Variants in PKP1 observed in about 807,000 individuals in gnomAD.
PKP1 encodes plakophilin 1.
PKP1 carries 27 observed loss-of-function variants against 76.4 expected under a neutral mutation model. That is an observed-to-expected ratio of 0.35 (90% CI 0.26 to 0.49). The LOEUF is 0.49. PKP1 is among the 20% of genes least tolerant of loss of function. The pLI is 0.99. For missense variants in PKP1, 964 were observed against 955.2 expected (o/e 1.01, Z -0.12); for synonymous variants, 404 against 384.2 (o/e 1.05, Z -0.60).
rs753009686 is a variant in PKP1 at position 201,325,023 on chromosome 1, G to A, written c.1917G>A (p.Ser639=). ...NTSNSEDILS[S]ACYTVRNLMA... ...GCAACTCCGAAGACATCTTGTCCTC[G>A]GCCTGCTACACTGTGAGGAACCTGA... is the stretch of plus-strand genomic sequence containing the variant. The change falls in exon 11 of 14, where the codon TCG becomes TCA. Residue 639 remains serine, a synonymous_variant. Coordinates refer to ENST00000367324, the MANE Select transcript of PKP1 (RefSeq NM_001005337.3). The A allele has an allele frequency of 1.9e-5, 31 of 1,613,740 alleles. No homozygotes were observed. The African/African-American group carries it at 2.4e-4, about 13-fold the overall frequency.
chr1:201,313,290 T>A lies in PKP1; in HGVS notation c.431T>A (p.Ile144Asn). Residue 144 changes from isoleucine (I) to asparagine (N), a missense_variant, in exon 3 of 14, where the codon ATC becomes AAC. By Grantham distance (149) the Ile-to-Asn change is moderately radical. Coordinates refer to ENST00000367324, the MANE Select transcript of PKP1 (RefSeq NM_001005337.3). ...SCNTTGAGSD[I>N]CFMQKIKASR... ...AACACCACCGGCGCAGGCAGCGACA[T>A]CTGCTTCATGCAGAAAATCAAGGCG... 1 of 1,602,756 alleles carries A rather than the reference T, an allele frequency of 6.2e-7. No homozygotes were observed.
At chr1:201,324,645 T>G in intron 10 of PKP1, 64 bp downstream of exon 10, 2 of 1,566,924 alleles carry the variant, frequency 1.3e-6, no homozygotes, top group Non-Finnish European at 1.8e-6. Flanking sequence ...AATTCAAGCC[T>G]GCTTGAAGGT....
chr1:201,287,887 T>C (rs1012263259), intron 1 of PKP1, among the ~76,000 whole-genome samples: 1 of 152,228 alleles, frequency 6.6e-6, no homozygotes, highest in African/African-American at 2.4e-5. Context: ...AATGGACGAA[T>C]GTTAGATATC....
At chr1:201,299,488 C>T (rs150601023) in intron 2 of PKP1, among the ~76,000 whole-genome samples, 3 of 152,306 alleles carry the variant, frequency 2.0e-5, no homozygotes, top group Non-Finnish European at 4.4e-5. Flanking sequence ...GGCAATTGGA[C>T]TAAAGCACAG....
intron 2 of PKP1, 34 bp downstream of exon 2, chr1:201,294,079 G>A: frequency 1.4e-6 from 2 of 1,396,668 alleles, no homozygotes; most frequent in Non-Finnish European, 2.0e-6. Context: ...AAGACCTGGA[G>A]TACTTGTGGG....
intron 4 of PKP1, among the ~76,000 whole-genome samples, chr1:201,316,932 A>C (rs778605622): frequency 6.6e-6 from 1 of 152,184 alleles, no homozygotes; most frequent in Non-Finnish European, 1.5e-5. Flanking sequence ...TTGGTCATGG[A>C]AGAGACTTCA....
chr1:201,324,297 T>G, intron 9 of PKP1, 131 bp from the exon 10 acceptor site: 1 of 906,560 alleles, frequency 1.1e-6, no homozygotes, highest in Non-Finnish European at 1.8e-6. Context: ...TGCCCACATG[T>G]GAGCTAGTGC....
chr1:201,293,120 G>T (rs1004051237), intron 1 of PKP1, among the ~76,000 whole-genome samples: 2 of 152,170 alleles, frequency 1.3e-5, no homozygotes, highest in Non-Finnish European at 2.9e-5. Flanking sequence ...GTCACCATTG[G>T]CCATATTTCA....
intron 2 of PKP1, among the ~76,000 whole-genome samples, chr1:201,309,342 C>G (rs1345687006): frequency 2.0e-5 from 3 of 151,934 alleles, no homozygotes; most frequent in Admixed American, 1.3e-4. Context: ...TGGGGGGCTC[C>G]TAGCTAAAAG....
chr1:201,287,291 G>A (rs566179707), intron 1 of PKP1, among the ~76,000 whole-genome samples: 5 of 152,322 alleles, frequency 3.3e-5, no homozygotes, highest in African/African-American at 1.2e-4. Context: ...GCCCTCATCA[G>A]GGGAGAGGGG....
chr1:201,291,047 G>T (rs944112399), intron 1 of PKP1, among the ~76,000 whole-genome samples: 1 of 152,162 alleles, frequency 6.6e-6, no homozygotes, highest in Non-Finnish European at 1.5e-5. Context: ...TGGGAGCAGT[G>T]CTCTTACAGA....
rs201842614 is a variant in PKP1, at chr1:201,318,670, C to T, written c.1107C>T (p.Ala369=). The change falls in exon 6 of 14, where the codon GCC becomes GCT. Residue 369 remains alanine (A), a synonymous_variant. Transcript: ENST00000367324. ...STDELKEELI[A]DALPVLADRV... ...ACGAGCTGAAGGAGGAACTCATTGCCGACGCCCTGCCTGTTCTGGCCGACC... is the reference window on the plus strand; with the variant it reads ...ACGAGCTGAAGGAGGAACTCATTGCTGACGCCCTGCCTGTTCTGGCCGACC... The T allele has an allele frequency of 3.1e-5, 50 of 1,612,296 alleles. No homozygotes were observed. The highest frequency in any genetic ancestry group is 3.8e-5 in the Non-Finnish European group (45 of 1,179,924).
At chr1:201,305,530 A>C (rs1206494598) in intron 2 of PKP1, among the ~76,000 whole-genome samples, 1 of 152,106 alleles carries the variant, frequency 6.6e-6, no homozygotes, top group Non-Finnish European at 1.5e-5. Context: ...ACAAACAAAA[A>C]CTGTAACCAG....
intron 3 of PKP1, chr1:201,316,228 T>C (rs778441263): frequency 2.3e-5 from 7 of 298,408 alleles, no homozygotes; most frequent in Non-Finnish European, 4.4e-5. Context: ...ACAAGAGAGA[T>C]GGCAAGGTAG....
At chr1:201,290,572 C>T (rs1452807268) in intron 1 of PKP1, among the ~76,000 whole-genome samples, 1 of 152,120 alleles carries the variant, frequency 6.6e-6, no homozygotes, top group Non-Finnish European at 1.5e-5. Context: ...TCCTGGTTTA[C>T]CCCACTCACC....
chr1:201,323,138 C>A lies in PKP1; in HGVS notation c.1629C>A (p.Thr543=). The A allele has an allele frequency of 6.2e-7, 1 of 1,614,132 alleles. No individual in the cohort carries two copies. Among genetic ancestry groups the A allele is most frequent in the South Asian group, 1.1e-5 (1 of 91,082 alleles). ...NLMGKSKKDA[T]LEACAGALQN... Reference sequence around the variant, plus strand: ...TGGGCAAGAGCAAGAAAGATGCTACCCTGGAGGCCTGTGCTGGTGCCCTGC... The same window carrying A: ...TGGGCAAGAGCAAGAAAGATGCTACACTGGAGGCCTGTGCTGGTGCCCTGC... The change falls in exon 9 of 14, where the codon ACC becomes ACA. Residue 543 remains threonine, a synonymous_variant. Transcript: ENST00000367324.
At chr1:201,289,525 C>T (rs543979824) in intron 1 of PKP1, among the ~76,000 whole-genome samples, 1 of 152,196 alleles carries the variant, frequency 6.6e-6, no homozygotes, top group South Asian at 2.1e-4. Flanking sequence ...TTCCCTATGA[C>T]CTCTGTCTGC....
At position 201,323,037 on chromosome 1, in the gene PKP1, C is replaced by T; in HGVS notation, c.1528C>T (p.Pro510Ser). Residue 510 changes from proline to serine, a missense_variant, in exon 9 of 14, where the codon CCT (proline) becomes TCT (serine). By Grantham distance (74) the Pro-to-Ser change is moderately conservative. Transcript: ENST00000367324. Reference sequence around the variant, plus strand: ...GAACAACAACTATGACTGCCCCCTGCCTGAGGAAGAGACCAACCCCAAGGG... The same window carrying T: ...GAACAACAACTATGACTGCCCCCTGTCTGAGGAAGAGACCAACCCCAAGGG... ...MMNNNYDCPLPEEETNPKGSG... is the reference protein window; with the variant it reads ...MMNNNYDCPLSEEETNPKGSG... 1.2e-6 allele frequency: 2 copies of T among 1,614,126 alleles called. No homozygotes were observed. The highest frequency in any genetic ancestry group is 1.7e-6 in the Non-Finnish European group (2 of 1,180,014).
intron 7 of PKP1, 62 bp from the exon 8 acceptor site, chr1:201,321,916 G>A: frequency 6.3e-7 from 1 of 1,596,042 alleles, no homozygotes. Flanking sequence ...AGGGTAGGTG[G>A]TAGGCCAGGA....
Sources: allele counts gnomAD v4.1 joint callset (sites outside exome capture counted in the v4.1 genomes callset), GRCh38; gene constraint gnomAD v4.1.1; transcripts MANE v1.5; gene names NCBI Gene and HGNC (gene_info 2026-07-23, HGNC 2026-07-21).